PPP6R2: variants seen among roughly 807,000 people sequenced by gnomAD.
The protein encoded by PPP6R2 is serine/threonine-protein phosphatase 6 regulatory subunit 2.
A neutral mutation model predicts 100.2 loss-of-function variants in PPP6R2; 62 were observed. That is an observed-to-expected ratio of 0.62 (90% CI 0.50 to 0.76). PPP6R2 has a LOEUF of 0.76. Ranked by LOEUF, PPP6R2 falls within the 30% of genes least tolerant of loss-of-function variation. PPP6R2 has a pLI of 0.00. For synonymous variants in PPP6R2, 525 were observed against 514.7 expected (o/e 1.02, Z -0.27); for missense variants, 1,142 against 1,276.3 (o/e 0.89, Z 1.60).
chr22:50,422,411 T>C, intron 9 of PPP6R2, 31 bp downstream of exon 9: 1 of 1,610,636 alleles, frequency 6.2e-7, no homozygotes, highest in Non-Finnish European at 8.5e-7. Flanking sequence ...CTGAGTGCCT[T>C]TGGAGGCGTC....
intron 5 of PPP6R2, 147 bp from the exon 6 acceptor site, chr22:50,415,945 T>TA (rs2060468472): frequency 1.1e-5 from 8 of 700,090 alleles, no homozygotes; most frequent in African/African-American, 1.8e-5. Flanking sequence ...CATTGTGTGT[T>TA]ATGTGTGTTC....
chr22:50,375,115 G>A (rs1457008626), intron 2 of PPP6R2, among the ~76,000 whole-genome samples: 3 of 152,018 alleles, frequency 2.0e-5, no homozygotes, highest in African/African-American at 4.8e-5. Context: ...TCCTCAAAGC[G>A]ACGAGAGCAT....
At chr22:50,337,928 GGGTGTGTGCATGTGTGTGTGATGTGTGT>G in the PPP6R2 span, among the ~76,000 whole-genome samples, 4 of 136,056 alleles carry the variant, frequency 2.9e-5, no homozygotes, top group African/African-American at 1.1e-4. Flanking sequence ...GTGGTGTGTG[GGGTGTGTGCATGTGTGTGTGATGTGTGT>G]GGTGTGTGTG....
At chr22:50,380,552 G>T (rs1171796909) in intron 2 of PPP6R2, among the ~76,000 whole-genome samples, 1 of 150,666 alleles carries the variant, frequency 6.6e-6, no homozygotes, top group African/African-American at 2.4e-5. Context: ...GTAGAGACGG[G>T]GTTTCACTAC....
intron 3 of PPP6R2, among the ~76,000 whole-genome samples, chr22:50,401,226 G>T (rs1243006340): frequency 6.7e-6 from 1 of 150,274 alleles, no homozygotes; most frequent in Non-Finnish European, 1.5e-5. Flanking sequence ...TTTTTTTTTT[G>T]AGATGGAGTC....
chr22:50,437,324 G>A lies in PPP6R2; in HGVS notation c.1684-182G>A, dbSNP rs542436474. Among the ~76,000 whole-genome samples the A allele has an allele frequency of 4.3e-4, 65 of 152,368 alleles. No individual in the cohort carries two copies. In the East Asian group the frequency reaches 0.012, roughly 28 times the overall value. ...GGCGTATCTCAGATGTGACCGCAGC[G>A]AGCGCGCAGCCTGAGTTTTGGTAGA... On this transcript the variant is annotated intron_variant, in intron 15 of 23. Coordinates refer to ENST00000612753, the MANE Select transcript of PPP6R2 (RefSeq NM_001242898.2).
At position 50,423,127 on chromosome 22, in the gene PPP6R2, G is replaced by A. The variant is rs958465610; in HGVS notation, c.973-335G>A. ...CACTGGGCATCCTCAGTGAGGCATC[G>A]TGCCAAGGGCTCTGGCCTTAGACCG... is the stretch of plus-strand genomic sequence containing the variant. On this transcript the variant is annotated intron_variant, in intron 9 of 23. Transcript: ENST00000612753. The surrounding 1 kb of genome is among the most constrained non-coding windows in gnomAD (Gnocchi z 4.8). Among the ~76,000 whole-genome samples, 5 of 152,152 alleles carry A rather than the reference G, an allele frequency of 3.3e-5. No homozygotes were observed. The highest frequency in any genetic ancestry group is 1.2e-4 in the African/African-American group (5 of 41,432).
the PPP6R2 span, among the ~76,000 whole-genome samples, chr22:50,338,147 T>C: frequency 7.3e-6 from 1 of 136,924 alleles, no homozygotes; most frequent in Non-Finnish European, 1.6e-5. Flanking sequence ...ATGTAGTGTG[T>C]GTGGTATGTG....
rs2066425464 is a variant in PPP6R2, at chr22:50,443,771, GC to G, written c.2580-93del. ...GGGCCAAAGATGGTGCTCCCAGGCC[GC>G]CTGGACCTTTTTGTCCAGCTGGTCC... On this transcript the variant is annotated intron_variant, in intron 22 of 23. Coordinates refer to ENST00000612753, the MANE Select transcript of PPP6R2 (RefSeq NM_001242898.2). The G allele has an allele frequency of 2.7e-6, 4 of 1,460,658 alleles. No homozygotes were observed. In the East Asian group the frequency reaches 1.0e-4, roughly 37 times the overall value. The allele number at this position is 1,460,658 out of a possible 1,614,324, so 90.5% of individuals were successfully genotyped here. A position where few individuals can be genotyped will look rare whatever the true frequency, so the allele number is the denominator to read the frequency against.
intron 1 of PPP6R2, among the ~76,000 whole-genome samples, chr22:50,352,131 G>A (rs1165306731): frequency 1.3e-5 from 2 of 150,722 alleles, no homozygotes; most frequent in Non-Finnish European, 1.5e-5. Context: ...AGTAGAGACG[G>A]GGTTTCACCA....
At chr22:50,378,696 A>G (rs1443426599) in intron 2 of PPP6R2, among the ~76,000 whole-genome samples, 1 of 149,100 alleles carries the variant, frequency 6.7e-6, no homozygotes, top group East Asian at 2.0e-4. Context: ...CCTGAGCAAC[A>G]TGGTGAAACC....
At chr22:50,421,627 G>A (rs1603343380) in intron 8 of PPP6R2, among the ~76,000 whole-genome samples, 1 of 152,084 alleles carries the variant, frequency 6.6e-6, no homozygotes, top group African/African-American at 2.4e-5. Context: ...AAACACCACA[G>A]GGGGTAGGCG....
At chr22:50,338,544 GGT>G (rs1260409484), upstream of PPP6R2, among the ~76,000 whole-genome samples, 2 of 132,084 alleles carry the variant, frequency 1.5e-5, no homozygotes, top group Non-Finnish European at 3.1e-5. Context: ...TAGGGTGTGT[GGT>G]GTGTGTGGTA....
rs1293637388 is a variant in PPP6R2 at position 50,423,826 on chromosome 22, G to A, written c.1125+212G>A. On this transcript the variant is annotated intron_variant, in intron 10 of 23. Transcript: ENST00000612753. The surrounding 1 kb of genome is among the most constrained non-coding windows in gnomAD (Gnocchi z 4.8). ...TCTCAGCTGCAGGCTCATGGGAAGT[G>A]ACGAGTCTACCGTAGAATTGCCCTG... 2.6e-5 allele frequency among the ~76,000 whole-genome samples: 4 copies of A among 152,234 alleles called. No homozygotes were observed. The East Asian group carries it at 7.7e-4, about 29-fold the overall frequency.
At chr22:50,399,812 T>C (rs9616819) in intron 3 of PPP6R2, among the ~76,000 whole-genome samples, 51,026 of 152,222 alleles carry the variant, frequency 0.34, 9,579 homozygotes, top group East Asian at 0.74. Context: ...GGTCACCTTC[T>C]GGAGTCAGAG....
intron 3 of PPP6R2, among the ~76,000 whole-genome samples, chr22:50,403,346 C>T (rs188174408): frequency 8.5e-5 from 13 of 152,308 alleles, no homozygotes; most frequent in South Asian, 2.1e-4. Flanking sequence ...CCCAGCTCAC[C>T]GGTCTTAGTG....
At position 50,442,161 on chromosome 22, in the gene PPP6R2, C is replaced by T. The variant is rs558579912; in HGVS notation, c.2579+1135C>T. ...CGCCCAATGCAGCTCAGCCTGCATG[C>T]GTCCCACCTGTACTACCCTTCCCCC... On this transcript the variant is annotated intron_variant, in intron 22 of 23. Transcript: ENST00000612753. Among the ~76,000 whole-genome samples, 45 of 152,318 alleles carry T rather than the reference C, an allele frequency of 3.0e-4. No individual in the cohort carries two copies. The South Asian group carries it at 4.3e-3, about 15-fold the overall frequency.
chr22:50,421,900 G>A (rs941131027), intron 8 of PPP6R2, among the ~76,000 whole-genome samples: 1 of 152,004 alleles, frequency 6.6e-6, no homozygotes, highest in Non-Finnish European at 1.5e-5. Flanking sequence ...AATAAAAGTC[G>A]ACACAGGAAC....
intron 2 of PPP6R2, among the ~76,000 whole-genome samples, chr22:50,392,714 G>A (rs1220525012): frequency 6.6e-6 from 1 of 152,180 alleles, no homozygotes; most frequent in Admixed American, 6.6e-5. Flanking sequence ...TAGGTATCTG[G>A]GGCCAGGAGA....
Sources: gnomAD v4.1 joint callset for allele counts (sites outside exome capture counted in the v4.1 genomes callset) on GRCh38, gnomAD v4.1.1 for gene constraint, Gnocchi (gnomAD v3.1) non-coding constraint, MANE v1.5 for transcripts, NCBI Gene and HGNC (gene_info 2026-07-23, HGNC 2026-07-21) for gene names.